The following GPR78 variants were observed in gnomAD, a reference collection of about 807,000 sequenced individuals.
GPR78 encodes the protein G protein-coupled receptor 78.
A neutral mutation model predicts 17.9 loss-of-function variants in GPR78; 29 were observed. The observed-to-expected ratio is 1.62, with a 90% CI of 1.20 to 2.21. The LOEUF is 2.21. Ranked by LOEUF, GPR78 falls within the 30% of genes most tolerant of loss-of-function variation. The pLI is 0.00. For missense variants in GPR78, 649 were observed against 530.5 expected (o/e 1.22, Z -2.19); for synonymous variants, 349 against 256.9 (o/e 1.36, Z -3.43).
chr4:8,586,973 T>C lies in GPR78; in HGVS notation c.783-81T>C, dbSNP rs1275666392. On this transcript the variant is annotated intron_variant, in intron 2 of 2. Transcript: ENST00000382487. ...GGCTGCGGTACGTACTTGAGTATGG[T>C]TCTAGCACCTTCCCCCGGAGCGTGA... The C allele has an allele frequency of 4.7e-6, 6 of 1,279,322 alleles. No homozygotes were observed. The South Asian group carries it at 6.7e-5, about 14-fold the overall frequency. 79.2% of individuals were successfully genotyped at this position (1,279,322 alleles called of 1,614,324 possible). A position where few individuals can be genotyped will look rare whatever the true frequency, so the allele number is the denominator to read the frequency against.
At position 8,580,890 on chromosome 4, in the gene GPR78, C is replaced by T. The variant is rs926005369; in HGVS notation, c.-93C>T. ...CTGCACCTCCCAGAAGCCGTGGGCG[C>T]GCCGCTCAGCTGCTCCATCGCCTCA... is the stretch of plus-strand genomic sequence containing the variant. On this transcript the variant is annotated 5_prime_UTR_variant, in exon 1 of 3. Coordinates refer to ENST00000382487, the MANE Select transcript of GPR78 (RefSeq NM_080819.5). The T allele has an allele frequency of 9.1e-6, 11 of 1,211,878 alleles. No homozygotes were observed. Among genetic ancestry groups the T allele is most frequent in the African/African-American group, 7.7e-5 (5 of 65,182 alleles). The allele number at this position is 1,211,878 out of a possible 1,614,324, so 75.1% of individuals were successfully genotyped here. A position where few individuals can be genotyped will look rare whatever the true frequency, so the allele number is the denominator to read the frequency against.
chr4:8,586,828 T>C (rs1045144755), intron 2 of GPR78, among the ~76,000 whole-genome samples: 11 of 152,134 alleles, frequency 7.2e-5, no homozygotes, highest in Non-Finnish European at 1.5e-4. Context: ...TGCTGTGTGG[T>C]ATGCGGGCTG....
chr4:8,582,362 G>C (rs9991820), intron 1 of GPR78, among the ~76,000 whole-genome samples, 169 bp from the exon 2 acceptor site: 65,332 of 151,476 alleles, frequency 0.43, 14,586 homozygotes, highest in Admixed American at 0.53. Flanking sequence ...AAAAAAGCAA[G>C]CCTACCCCTT....
chr4:8,584,451 A>C (rs549341246), intron 2 of GPR78, among the ~76,000 whole-genome samples: 1 of 152,220 alleles, frequency 6.6e-6, no homozygotes. Context: ...GGTACAATAT[A>C]GCACTAACGA....
At chr4:8,586,202 G>A (rs574888144) in intron 2 of GPR78, among the ~76,000 whole-genome samples, 1 of 152,174 alleles carries the variant, frequency 6.6e-6, no homozygotes, top group Non-Finnish European at 1.5e-5. Flanking sequence ...AGGCTGTGCT[G>A]AGAGCGGAGG....
At position 8,580,895 on chromosome 4, in the gene GPR78, C is replaced by T. The variant is rs1348606256; in HGVS notation, c.-88C>T. 3 of 1,262,184 alleles carry T rather than the reference C, an allele frequency of 2.4e-6. No homozygotes were observed. The highest frequency in any genetic ancestry group is 3.1e-5 in the South Asian group (2 of 64,538). The allele number at this position is 1,262,184 out of a possible 1,614,324, so 78.2% of individuals were successfully genotyped here. On this transcript the variant is annotated 5_prime_UTR_variant, in exon 1 of 3. Transcript: ENST00000382487. ...CCTCCCAGAAGCCGTGGGCGCGCCGCTCAGCTGCTCCATCGCCTCACTTTC... is the reference window on the plus strand; with the variant it reads ...CCTCCCAGAAGCCGTGGGCGCGCCGTTCAGCTGCTCCATCGCCTCACTTTC...
intron 2 of GPR78, 62 bp from the exon 3 acceptor site, chr4:8,586,992 A>C (rs1442233644): frequency 7.1e-6 from 10 of 1,412,044 alleles, no homozygotes; most frequent in African/African-American, 2.8e-5. Context: ...CTTCCCCCGG[A>C]GCGTGAGTGC....
intron 2 of GPR78, among the ~76,000 whole-genome samples, chr4:8,583,782 G>T (rs1302281440): frequency 6.6e-6 from 1 of 152,202 alleles, no homozygotes; most frequent in African/African-American, 2.4e-5. Context: ...TCTCCTGCCT[G>T]CCAGGTTCCC....
At position 8,588,120 on chromosome 4, in the gene GPR78, T is replaced by C. The variant is rs111881661; in HGVS notation, c.*757T>C. On this transcript the variant is annotated 3_prime_UTR_variant, in exon 3 of 3. Transcript: ENST00000382487. ...CTCAGAGCCTTTTCTGGTGAAGATA[T>C]CATCAGAGCATGTGACCTCTGTTTC... Among the ~76,000 whole-genome samples the C allele has an allele frequency of 5.3e-5, 8 of 152,202 alleles. No individual in the cohort carries two copies. Among genetic ancestry groups the C allele is most frequent in the African/African-American group, 1.9e-4 (8 of 41,452 alleles).
At chr4:8,583,520 G>A (rs1289596688) in intron 2 of GPR78, among the ~76,000 whole-genome samples, 1 of 152,090 alleles carries the variant, frequency 6.6e-6, no homozygotes, top group Non-Finnish European at 1.5e-5. Flanking sequence ...CATCCTCAAG[G>A]GGCCCAGGTC....
In GPR78 at chr4:8,589,061, C is replaced by T. The variant is rs1235226797; in HGVS notation, c.*1698C>T. Among the ~76,000 whole-genome samples the T allele has an allele frequency of 1.3e-5, 2 of 151,602 alleles. No homozygotes were observed. Among genetic ancestry groups the T allele is most frequent in the South Asian group, 2.1e-4 (1 of 4,784 alleles). Reference sequence around the variant, plus strand: ...TTTGTATTTTTTTTTGTAGAGATGGCGGTCTCACTTTGTTGCCCAGGCTGG... The same window carrying T: ...TTTGTATTTTTTTTTGTAGAGATGGTGGTCTCACTTTGTTGCCCAGGCTGG... On this transcript the variant is annotated 3_prime_UTR_variant, in exon 3 of 3. Transcript: ENST00000382487.
intron 2 of GPR78, among the ~76,000 whole-genome samples, chr4:8,586,111 TC>T (rs1380720097): frequency 6.6e-6 from 1 of 152,144 alleles, no homozygotes; most frequent in African/African-American, 2.4e-5. Context: ...GTCAGAAGCC[TC>T]GTCCTCACTC....
In GPR78 at chr4:8,581,036, GGC is replaced by G; in HGVS notation, c.57_58del (p.Leu20AlafsTer15). ...AGLLVMVLAV[A>X]LLSNALVLLC... is the part of the protein sequence containing the mutation. ...GTCTCCTGGTGATGGTACTGGCCGT[GGC>G]GCTGCTATCCAACGCACTGGTGCTG... On this transcript the variant is annotated frameshift_variant, in exon 1 of 3. Coordinates refer to ENST00000382487, the MANE Select transcript of GPR78 (RefSeq NM_080819.5). LOFTEE classifies it high-confidence loss of function. 6.2e-7 allele frequency: 1 copy of G among 1,603,034 alleles called. No homozygotes were observed. Among genetic ancestry groups the G allele is most frequent in the South Asian group, 1.1e-5 (1 of 89,926 alleles).
chr4:8,586,150 C>T (rs991704147), intron 2 of GPR78, among the ~76,000 whole-genome samples: 5 of 152,128 alleles, frequency 3.3e-5, no homozygotes, highest in Admixed American at 6.6e-5. Flanking sequence ...GCTGTGCTGC[C>T]GCTGGTCAGA....
At chr4:8,586,001 G>A (rs991983753) in intron 2 of GPR78, among the ~76,000 whole-genome samples, 3 of 152,210 alleles carry the variant, frequency 2.0e-5, no homozygotes, top group African/African-American at 4.8e-5. Flanking sequence ...AGATCATCAG[G>A]CTGTGGGGGA....
At position 8,581,306 on chromosome 4, in the gene GPR78, G is replaced by A. The variant is rs74597662; in HGVS notation, c.324G>A (p.Val108=). The change falls in exon 1 of 3, where the codon GTG becomes GTA. Residue 108 remains valine (V), a synonymous_variant. Coordinates refer to ENST00000382487, the MANE Select transcript of GPR78 (RefSeq NM_080819.5). ...TGAGCGCAGACCAGTGGCTGGCAGTGGGCTTCCCACTGCGCTACGCCGGAC... is the reference window on the plus strand; with the variant it reads ...TGAGCGCAGACCAGTGGCTGGCAGTAGGCTTCCCACTGCGCTACGCCGGAC... The part of the protein sequence containing the change: ...AALSADQWLA[V]GFPLRYAGRL... 2.6e-3 allele frequency: 4,072 copies of A among 1,584,456 alleles called. 76 individuals carry two copies. The African/African-American group carries it at 0.047, about 18-fold the overall frequency.
At position 8,581,358 on chromosome 4, in the gene GPR78, C is replaced by A; in HGVS notation, c.376C>A (p.Leu126Met). Residue 126 changes from leucine to methionine, a missense_variant, in exon 1 of 3, where the codon CTG becomes ATG. Transcript: ENST00000382487. ...CCTGCGACCGCGCTATGCCGGCCTG[C>A]TGCTGGGCTGTGCCTGGGGACAGTC... ...GRLRPRYAGL[L>M]LGCAWGQSLA... is the part of the protein sequence containing the mutation. 2 of 1,580,366 alleles carry A rather than the reference C, an allele frequency of 1.3e-6. No homozygotes were observed. Among genetic ancestry groups the A allele is most frequent in the Non-Finnish European group, 1.7e-6 (2 of 1,169,124 alleles).
In GPR78 at chr4:8,580,888, C is replaced by A. The variant is rs1046026600; in HGVS notation, c.-95C>A. On this transcript the variant is annotated 5_prime_UTR_variant, in exon 1 of 3. Transcript: ENST00000382487. ...CTCTGCACCTCCCAGAAGCCGTGGG[C>A]GCGCCGCTCAGCTGCTCCATCGCCT... The A allele has an allele frequency of 2.5e-6, 3 of 1,194,942 alleles. No homozygotes were observed. The highest frequency in any genetic ancestry group is 3.4e-6 in the Non-Finnish European group (3 of 879,070). 74.0% of individuals were successfully genotyped at this position (1,194,942 alleles called of 1,614,324 possible).
Position 8,581,057 on chromosome 4 carries a change from G to A in GPR78, c.75G>A (p.Leu25=), listed in dbSNP as rs377415801. Residue 25 remains leucine (L), a synonymous_variant, in exon 1 of 3, where the codon CTG becomes CTA. Transcript: ENST00000382487. ...VLAVALLSNA[L]VLLCCAYSAE... ...CCGTGGCGCTGCTATCCAACGCACT[G>A]GTGCTGCTTTGTTGCGCCTACAGCG... 9.3e-6 allele frequency: 15 copies of A among 1,606,126 alleles called. No individual in the cohort carries two copies. The highest frequency in any genetic ancestry group is 2.7e-5 in the African/African-American group (2 of 74,888).
Sources: allele counts gnomAD v4.1 joint callset (sites outside exome capture counted in the v4.1 genomes callset), GRCh38; gene constraint gnomAD v4.1.1; transcripts MANE v1.5; gene names NCBI Gene and HGNC (gene_info 2026-07-23, HGNC 2026-07-21).